The following DPH6 variants were observed in gnomAD, a reference collection of about 807,000 sequenced individuals.
DPH6 encodes the protein diphthine--ammonia ligase.
A neutral mutation model predicts 38.2 loss-of-function variants in DPH6; 33 were observed. That is an observed-to-expected ratio of 0.86 (90% CI 0.65 to 1.15). The LOEUF (loss-of-function observed/expected upper bound fraction) is 1.15, where lower values mean the gene tolerates loss of function less well. DPH6 is among the 50% of genes most tolerant of loss of function. The pLI is 0.00. For missense variants in DPH6, 325 were observed against 320.0 expected (o/e 1.02, Z -0.12); for synonymous variants, 108 against 103.0 (o/e 1.05, Z -0.30).
chr15:35,237,043 T>C, intron 3 of DPH6: 1 of 430,350 alleles, frequency 2.3e-6, no homozygotes, highest in Non-Finnish European at 4.2e-6. Context: ...ACATCATGAC[T>C]GTTTTTCTTG....
At chr15:35,312,839 G>T (rs577275593) in intron 3 of DPH6, among the ~76,000 whole-genome samples, 5 of 152,250 alleles carry the variant, frequency 3.3e-5, no homozygotes, top group Admixed American at 3.3e-4. Flanking sequence ...TAAGTGTAGG[G>T]ATTCATATCT....
intron 3 of DPH6, among the ~76,000 whole-genome samples, chr15:35,510,974 T>C (rs916707762): frequency 2.6e-5 from 4 of 152,112 alleles, no homozygotes; most frequent in African/African-American, 9.7e-5. Flanking sequence ...ATCCCAAATA[T>C]TCCTGTTCTA....
the DPH6 span, among the ~76,000 whole-genome samples, chr15:35,169,259 G>A: frequency 1.5e-4 from 23 of 152,094 alleles, no homozygotes; most frequent in Non-Finnish European, 3.4e-4. Context: ...GCATACAGGT[G>A]TAAAGAGATA....
At chr15:35,403,211 A>G (rs2053245042) in intron 6 of DPH6, among the ~76,000 whole-genome samples, 1 of 152,120 alleles carries the variant, frequency 6.6e-6, no homozygotes, top group Non-Finnish European at 1.5e-5. Context: ...GGGGCAAGAA[A>G]GGTATGGTTT....
chr15:35,328,441 T>C (rs1290983456), downstream of DPH6, among the ~76,000 whole-genome samples: 3 of 152,192 alleles, frequency 2.0e-5, no homozygotes, highest in Admixed American at 2.0e-4. Context: ...GTACAGAAAA[T>C]GTCTATTTTA....
chr15:35,519,728 G>A (rs1362425534), intron 3 of DPH6: 3 of 152,344 alleles, frequency 2.0e-5, no homozygotes, highest in Non-Finnish European at 4.4e-5. Context: ...ACTATAGAGG[G>A]CACTGTTGCA....
chr15:35,411,705 A>G (rs1446772227), intron 5 of DPH6, among the ~76,000 whole-genome samples: 1 of 151,750 alleles, frequency 6.6e-6, no homozygotes. Context: ...TCATATTTAC[A>G]TATATTGGCA....
chr15:35,438,248 T>C (rs937659486), intron 5 of DPH6, among the ~76,000 whole-genome samples: 6 of 150,216 alleles, frequency 4.0e-5, no homozygotes, highest in African/African-American at 1.2e-4. Context: ...TGAGAGGCCC[T>C]AAGATCATTT....
intron 5 of DPH6, among the ~76,000 whole-genome samples, chr15:35,445,832 C>G (rs985548949): frequency 6.6e-6 from 1 of 152,166 alleles, no homozygotes; most frequent in Admixed American, 6.5e-5. Flanking sequence ...GCGGTGAGCT[C>G]AAGTGTTGCT....
intron 3 of DPH6, chr15:35,521,109 A>C (rs1481256489): frequency 1.1e-5 from 11 of 985,296 alleles, no homozygotes; most frequent in Non-Finnish European, 1.3e-5. Flanking sequence ...AAAGTCAAAA[A>C]GTAAAGCAAT....
rs150568853 is a variant in DPH6, at chr15:35,261,470, G to A, written n.201-40888C>T. On this transcript the variant is annotated intron_variant and non_coding_transcript_variant, in intron 3 of 3. Coordinates refer to the DPH6 transcript ENST00000560386. ...TATTTGGCATAAACTTTACATATAT[G>A]GTAGAAGTGCTTAGGTTAACCAATG... is the stretch of plus-strand genomic sequence containing the variant. Among the ~76,000 whole-genome samples the A allele has an allele frequency of 2.3e-3, 347 of 152,160 alleles. 1 individual carries two copies. The highest frequency in any genetic ancestry group is 8.0e-3 in the African/African-American group (331 of 41,508).
intron 3 of DPH6, among the ~76,000 whole-genome samples, chr15:35,291,853 T>C (rs1351574674): frequency 6.6e-6 from 1 of 152,076 alleles, no homozygotes; most frequent in Non-Finnish European, 1.5e-5. Flanking sequence ...TGGGTCTTAT[T>C]TTTCTTCTTT....
chr15:35,371,889 AAG>A lies in DPH6; in HGVS notation c.*259_*260del. 8.8e-7 allele frequency: 1 copy of A among 1,131,050 alleles called. No homozygotes were observed. The highest frequency in any genetic ancestry group is 1.1e-6 in the Non-Finnish European group (1 of 919,108). The allele number at this position is 1,131,050 out of a possible 1,614,324, so 70.1% of individuals were successfully genotyped here. Reference sequence around the variant, plus strand: ...GAAATGGGGTTTATAGATGAAATAAAAGAAAAAAAAGGTCATAGGGAAGATGT... The same window carrying A: ...GAAATGGGGTTTATAGATGAAATAAAAAAAAAAAGGTCATAGGGAAGATGT... On this transcript the variant is annotated 3_prime_UTR_variant, in exon 9 of 9. Coordinates refer to ENST00000256538, the MANE Select transcript of DPH6 (RefSeq NM_080650.4).
chr15:35,311,813 G>A (rs2052143910), intron 3 of DPH6, among the ~76,000 whole-genome samples: 1 of 152,102 alleles, frequency 6.6e-6, no homozygotes, highest in Admixed American at 6.5e-5. Flanking sequence ...GAGCTCCTTT[G>A]CTGAAGATAT....
intron 3 of DPH6, among the ~76,000 whole-genome samples, chr15:35,471,721 AC>A (rs1370710978): frequency 6.6e-6 from 1 of 152,086 alleles, no homozygotes; most frequent in Non-Finnish European, 1.5e-5. Flanking sequence ...ATTCTTCACA[AC>A]CTATGAAACC....
At chr15:35,219,473 T>A (rs112214250) in exon 4 of DPH6, 3 of 152,200 alleles carry the variant, frequency 2.0e-5, no homozygotes, top group Non-Finnish European at 4.4e-5. Context: ...CAGCTGTGTA[T>A]CTGCAATAAC....
the DPH6 span, among the ~76,000 whole-genome samples, chr15:35,188,237 T>G: frequency 2.6e-5 from 4 of 152,078 alleles, no homozygotes; most frequent in Admixed American, 1.3e-4. Context: ...GTTGGCTGAG[T>G]GGGCTCACCT....
chr15:35,227,171 C>CTT (rs1566843969), intron 3 of DPH6, among the ~76,000 whole-genome samples: 4 of 115,852 alleles, frequency 3.5e-5, no homozygotes, highest in Admixed American at 1.8e-4. Flanking sequence ...GTTATAACAT[C>CTT]TTCTTTTTTT....
intron 5 of DPH6, among the ~76,000 whole-genome samples, chr15:35,449,671 C>A (rs1440286838): frequency 5.0e-5 from 3 of 59,968 alleles, no homozygotes; most frequent in Admixed American, 2.2e-4. Flanking sequence ...TGCTCAGCAA[C>A]CTTTTCTCAG....
Sources: gnomAD v4.1 joint callset for allele counts (sites outside exome capture counted in the v4.1 genomes callset) on GRCh38, gnomAD v4.1.1 for gene constraint, MANE v1.5 for transcripts, NCBI Gene and HGNC (gene_info 2026-07-23, HGNC 2026-07-21) for gene names.